Variants in VPS13B observed in about 807,000 individuals in gnomAD.
VPS13B encodes vacuolar protein sorting 13 homolog B, also known as intermembrane lipid transfer protein VPS13B.
Under a neutral mutation model 426.4 loss-of-function variants are expected in VPS13B, and 285 were observed. The ratio of observed to expected loss-of-function variants is 0.67; its 90% confidence interval spans 0.61 to 0.74. The LOEUF (loss-of-function observed/expected upper bound fraction) is 0.74, where lower values mean the gene tolerates loss of function less well. Among genes scored for constraint, VPS13B ranks in the 30% least tolerant of loss-of-function variants. The pLI is 0.00. For missense variants in VPS13B, 4,537 were observed against 4,782.6 expected, an observed-to-expected ratio of 0.95 and a Z score of 1.51; for synonymous variants, 1,676 against 1,676.4, an observed-to-expected ratio of 1.00 and a Z score of 0.01.
At position 99,573,415 on chromosome 8, in the gene VPS13B, G is replaced by T. The variant is rs533893137; in HGVS notation, c.4950-2243G>T. On this transcript the variant is annotated intron_variant, in intron 31 of 61. Transcript: ENST00000357162. ...AAGGTATTGCCTAGGTTTTCTTCTAGGGTTTTTATGGTTTTAGGTCTAACA... is the reference window on the plus strand; with the variant it reads ...AAGGTATTGCCTAGGTTTTCTTCTATGGTTTTTATGGTTTTAGGTCTAACA... 1.3e-3 allele frequency among the ~76,000 whole-genome samples: 195 copies of T among 152,268 alleles called. 2 individuals carry two copies. The highest frequency in any genetic ancestry group is 3.8e-3 in the Admixed American group (58 of 15,296).
At position 99,577,736 on chromosome 8, in the gene VPS13B, CTG is replaced by C. The variant is rs2133812465; in HGVS notation, c.5220+107_5220+108del. The C allele has an allele frequency of 4.3e-6, 6 of 1,384,084 alleles. No homozygotes were observed. In the South Asian group the frequency reaches 7.2e-5, roughly 17 times the overall value. The allele number at this position is 1,384,084 out of a possible 1,614,324, so 85.7% of individuals were successfully genotyped here. A position where few individuals can be genotyped will look rare whatever the true frequency, so the allele number is the denominator to read the frequency against. On this transcript the variant is annotated intron_variant, in intron 33 of 61. Transcript: ENST00000357162. ...GCTGACTGCTTTCTGCTTAATTATT[CTG>C]TGTTTAACTTTATTCAAAATATAGT... is the stretch of plus-strand genomic sequence containing the variant.
chr8:99,762,658 A>G (rs1339840543), intron 39 of VPS13B, among the ~76,000 whole-genome samples: 2 of 152,214 alleles, frequency 1.3e-5, no homozygotes, highest in Non-Finnish European at 2.9e-5. Context: ...GATTCTGGCA[A>G]CAACATATAA....
In VPS13B at chr8:99,275,351, G is replaced by GTTTC. The variant is rs1818844916; in HGVS notation, c.2824+98_2824+99insTTCT. On this transcript the variant is annotated intron_variant, in intron 19 of 61. Transcript: ENST00000357162. ...TTGGTATATATTTTTTTTTTTTTAG[G>GTTTC]TATTTTTGTCAATTGGCTTACTCTG... 3 of 1,233,216 alleles carry GTTTC rather than the reference G, an allele frequency of 2.4e-6. No individual in the cohort carries two copies. In the African/African-American group the frequency reaches 5.1e-5, roughly 21 times the overall value. 76.4% of individuals were successfully genotyped at this position (1,233,216 alleles called of 1,614,324 possible).
intron 20 of VPS13B, among the ~76,000 whole-genome samples, chr8:99,390,424 T>A (rs1229740129): frequency 6.6e-6 from 1 of 152,230 alleles, no homozygotes; most frequent in Non-Finnish European, 1.5e-5. Context: ...TCCTTTTTTT[T>A]ACTCAGTGTG....
intron 17 of VPS13B, among the ~76,000 whole-genome samples, chr8:99,196,690 C>T (rs184603873): frequency 5.3e-5 from 8 of 152,164 alleles, no homozygotes; most frequent in Non-Finnish European, 1.0e-4. Flanking sequence ...TCACCCACCT[C>T]GTCCTCCTAA....
At chr8:99,409,635 A>G (rs1315662163) in intron 21 of VPS13B, among the ~76,000 whole-genome samples, 2 of 152,188 alleles carry the variant, frequency 1.3e-5, no homozygotes, top group East Asian at 3.8e-4. Flanking sequence ...GACCCCCACA[A>G]AATAACCAAG....
At chr8:99,214,621 T>G (rs1192802711) in intron 17 of VPS13B, among the ~76,000 whole-genome samples, 2 of 152,220 alleles carry the variant, frequency 1.3e-5, no homozygotes, top group African/African-American at 4.8e-5. Context: ...TTTTTACCTA[T>G]GTTTAATCAT....
chr8:99,437,796 C>G (rs1029571709), intron 22 of VPS13B, among the ~76,000 whole-genome samples: 1 of 152,110 alleles, frequency 6.6e-6, no homozygotes. Context: ...TTCACCGGTT[C>G]TTTCCAAGTT....
intron 35 of VPS13B, chr8:99,696,402 C>G: frequency 3.0e-6 from 1 of 332,162 alleles, no homozygotes; most frequent in South Asian, 2.8e-5. Context: ...TCGTGGTGCT[C>G]ATGCTGTGGC....
intron 17 of VPS13B, among the ~76,000 whole-genome samples, chr8:99,272,445 G>T (rs1462875215): frequency 6.6e-6 from 1 of 152,102 alleles, no homozygotes; most frequent in East Asian, 1.9e-4. Context: ...CTGTTGTAAG[G>T]ACTGAATGAG....
chr8:99,861,584 G>A (rs1001290600), intron 57 of VPS13B, among the ~76,000 whole-genome samples, 192 bp from the exon 58 acceptor site: 3 of 152,196 alleles, frequency 2.0e-5, no homozygotes, highest in African/African-American at 7.2e-5. Flanking sequence ...TTACAGGCGT[G>A]AGCCACCACC....
intron 19 of VPS13B, among the ~76,000 whole-genome samples, chr8:99,278,730 T>G (rs1230494498): frequency 6.6e-6 from 1 of 152,240 alleles, no homozygotes; most frequent in Non-Finnish European, 1.5e-5. Flanking sequence ...CGGATCTCCT[T>G]TTTTACTTTA....
At position 99,390,560 on chromosome 8, in the gene VPS13B, T is replaced by G. The variant is rs73287859; in HGVS notation, c.2935-997T>G. 6.1e-3 allele frequency among the ~76,000 whole-genome samples: 924 copies of G among 152,344 alleles called. 5 individuals are homozygous for G. The highest frequency in any genetic ancestry group is 0.024 in the Middle Eastern group (7 of 294). ...TTTATAATGTACATTATATTGAGTA[T>G]TTTAAGTTGGGTGAGGCTTAAGGTT... On this transcript the variant is annotated intron_variant, in intron 20 of 61. Transcript: ENST00000357162.
chr8:99,410,767 T>C (rs981255564), intron 21 of VPS13B, among the ~76,000 whole-genome samples: 1 of 152,040 alleles, frequency 6.6e-6, no homozygotes, highest in Non-Finnish European at 1.5e-5. Flanking sequence ...CCAGTGTCCA[T>C]GTGTTCTTGT....
chr8:99,270,514 ATACT>A (rs1301531893), intron 17 of VPS13B, among the ~76,000 whole-genome samples: 4 of 152,138 alleles, frequency 2.6e-5, no homozygotes, highest in Non-Finnish European at 5.9e-5. Context: ...ATATTAAGAA[ATACT>A]TATTATTTAT....
chr8:99,691,788 C>G lies in VPS13B; in HGVS notation c.6047-7737C>G, dbSNP rs577496013. ...TCAAGACCCATCAGTGTGCTGTATT[C>G]AGGAAACCCATCTCACATGCAGAGA... On this transcript the variant is annotated intron_variant, in intron 35 of 61. Coordinates refer to ENST00000357162, the MANE Select transcript of VPS13B (RefSeq NM_152564.5). Among the ~76,000 whole-genome samples, 2 of 144,180 alleles carry G rather than the reference C, an allele frequency of 1.4e-5. 1 individual carries two copies. Among genetic ancestry groups the G allele is most frequent in the South Asian group, 4.6e-4 (2 of 4,334 alleles). The allele number at this position is 144,180 out of a possible 152,430, so 94.6% of individuals were successfully genotyped here. A position where few individuals can be genotyped will look rare whatever the true frequency, so the allele number is the denominator to read the frequency against.
intron 25 of VPS13B, among the ~76,000 whole-genome samples, chr8:99,500,001 A>T (rs532254749): frequency 6.6e-6 from 1 of 152,262 alleles, no homozygotes; most frequent in African/African-American, 2.4e-5. Context: ...CTCATGTAGG[A>T]GCTGAATATA....
At chr8:99,383,352 T>C (rs2133292757) in intron 19 of VPS13B, among the ~76,000 whole-genome samples, 1 of 152,294 alleles carries the variant, frequency 6.6e-6, no homozygotes, top group Non-Finnish European at 1.5e-5. Context: ...TTTTTTAATA[T>C]AATGAAAAAG....
chr8:99,868,060 CCTGA>C (rs1156698873), intron 58 of VPS13B: 52 of 515,566 alleles, frequency 1.0e-4, no homozygotes, highest in Middle Eastern at 5.4e-4. Context: ...CTTCACAGAT[CCTGA>C]CTGTGTGGAC....
Sources: allele counts gnomAD v4.1 joint callset (sites outside exome capture counted in the v4.1 genomes callset), GRCh38; gene constraint gnomAD v4.1.1; transcripts MANE v1.5; gene names NCBI Gene and HGNC (gene_info 2026-07-23, HGNC 2026-07-21).